The following ZNF808 variants were observed in gnomAD, a reference collection of about 807,000 sequenced individuals.
ZNF808 encodes zinc finger protein 808.
ZNF808 carries 5 observed loss-of-function variants against 8.7 expected under a neutral mutation model. That is an observed-to-expected ratio of 0.58 (90% CI 0.30 to 1.21). The LOEUF is 1.21. Among genes scored for constraint, ZNF808 ranks in the 50% most tolerant of loss-of-function variants. The probability of loss-of-function intolerance (pLI) is 0.07; values close to 1 mark genes in which losing one functional copy is unlikely to be tolerated. For missense variants in ZNF808, 1,103 were observed against 1,098.4 expected (o/e 1.00, Z -0.06); for synonymous variants, 380 against 366.0 (o/e 1.04, Z -0.44).
chr19:52,551,887 C>T (rs1289666874), intron 4 of ZNF808, among the ~76,000 whole-genome samples: 1 of 152,078 alleles, frequency 6.6e-6, no homozygotes, highest in East Asian at 1.9e-4. Context: ...CCTGTAATCC[C>T]AGGTACTCAG....
At chr19:52,565,294 A>ATATCAG (rs1405211477), downstream of ZNF808, among the ~76,000 whole-genome samples, 2 of 152,118 alleles carry the variant, frequency 1.3e-5, no homozygotes, top group Admixed American at 1.3e-4. Flanking sequence ...ATAAAAAACA[A>ATATCAG]TATCAGTGTG....
In ZNF808 at chr19:52,555,766, G is replaced by C. The variant is rs1234070699; in HGVS notation, c.*138G>C. ...ATTGTTCATACATTGCAGTTCATTGGCAACCTCATACTGGAGAGAAACCTT... is the reference window on the plus strand; with the variant it reads ...ATTGTTCATACATTGCAGTTCATTGCCAACCTCATACTGGAGAGAAACCTT... On this transcript the variant is annotated 3_prime_UTR_variant, in exon 5 of 5. Transcript: ENST00000359798. The C allele has an allele frequency of 7.9e-7, 1 of 1,268,052 alleles. No individual in the cohort carries two copies. Among genetic ancestry groups the C allele is most frequent in the East Asian group, 2.4e-5 (1 of 41,732 alleles). 78.6% of individuals were successfully genotyped at this position (1,268,052 alleles called of 1,614,324 possible).
Position 52,554,236 on chromosome 19 carries a change from A to G in ZNF808, c.1320A>G (p.Ser440=). Residue 440 remains serine, a synonymous_variant, in exon 5 of 5, where the codon TCA becomes TCG. Transcript: ENST00000359798. ...GTGACAAAGTTTTCAGTCAGAAATC[A>G]ACCCTTGAGAGACATAAGAGAATTC... ...EECDKVFSQK[S]TLERHKRIHT... The G allele has an allele frequency of 1.2e-6, 2 of 1,613,764 alleles. No homozygotes were observed. Among genetic ancestry groups the G allele is most frequent in the Non-Finnish European group, 1.7e-6 (2 of 1,179,722 alleles).
intron 2 of ZNF808, among the ~76,000 whole-genome samples, chr19:52,539,548 G>T (rs2868489): frequency 0.053 from 2,742 of 52,062 alleles, 352 homozygotes; most frequent in African/African-American, 0.13. Flanking sequence ...TGTTGTGGTG[G>T]TTTTTTTTTT....
At chr19:52,536,827 G>A (rs8104854) in intron 2 of ZNF808, among the ~76,000 whole-genome samples, 49,150 of 151,964 alleles carry the variant, frequency 0.32, 8,232 homozygotes, top group Non-Finnish European at 0.36. Context: ...AGGAGACGCA[G>A]AGATAAGAGG....
downstream of ZNF808, among the ~76,000 whole-genome samples, chr19:52,558,359 G>A (rs1262154468): frequency 6.7e-6 from 1 of 148,596 alleles, no homozygotes; most frequent in Non-Finnish European, 1.5e-5. Context: ...ACCGCGCCCG[G>A]CATCTGAACT....
Position 52,554,631 on chromosome 19 carries a change from G to T in ZNF808, c.1715G>T (p.Cys572Phe). 5 of 1,613,992 alleles carry T rather than the reference G, an allele frequency of 3.1e-6. No homozygotes were observed. The highest frequency in any genetic ancestry group is 4.2e-6 in the Non-Finnish European group (5 of 1,179,928). The change falls in exon 5 of 5, where the codon TGT becomes TTT. Residue 572 changes from cysteine to phenylalanine, a missense_variant. Transcript: ENST00000359798. ...TAKKPYKCNE[C>F]GKAFNQQSHL... is the part of the protein sequence containing the mutation. ...AAGAAACCTTACAAGTGTAATGAATGTGGGAAAGCTTTTAATCAACAATCA... is the reference window on the plus strand; with the variant it reads ...AAGAAACCTTACAAGTGTAATGAATTTGGGAAAGCTTTTAATCAACAATCA...
chr19:52,530,674 G>A (rs199743991), intron 1 of ZNF808, among the ~76,000 whole-genome samples: 25,287 of 135,548 alleles, frequency 0.19, 2,783 homozygotes, highest in Non-Finnish European at 0.24. Context: ...CAAAAAAAAA[G>A]AGAGAAAGAA....
At chr19:52,540,340 A>G in intron 2 of ZNF808, among the ~76,000 whole-genome samples, 1 of 152,236 alleles carries the variant, frequency 6.6e-6, no homozygotes, top group East Asian at 1.9e-4. Flanking sequence ...TATATTTTCA[A>G]ATATTTCTCC....
intron 1 of ZNF808, among the ~76,000 whole-genome samples, chr19:52,529,909 ATAT>A (rs1403858676): frequency 3.4e-4 from 45 of 134,226 alleles, no homozygotes; most frequent in East Asian, 2.7e-3. Context: ...ATATATATAT[ATAT>A]TTTTTTTTTT....
At chr19:52,566,600 A>G (rs542567800), downstream of ZNF808, among the ~76,000 whole-genome samples, 1 of 152,332 alleles carries the variant, frequency 6.6e-6, no homozygotes, top group South Asian at 2.1e-4. Flanking sequence ...TGCTATTACT[A>G]TGTTCTTGGG....
downstream of ZNF808, among the ~76,000 whole-genome samples, chr19:52,558,979 C>T (rs1040339378): frequency 3.3e-5 from 5 of 152,162 alleles, no homozygotes; most frequent in African/African-American, 1.2e-4. Context: ...CCCAGGGACA[C>T]AGAACACTGC....
chr19:52,562,917 G>T (rs530451859), intron 3 of ZNF808, among the ~76,000 whole-genome samples: 8 of 152,116 alleles, frequency 5.3e-5, no homozygotes, highest in African/African-American at 1.9e-4. Flanking sequence ...GGGATTACAG[G>T]TGCCTACCAC....
chr19:52,565,104 T>C (rs933433648), downstream of ZNF808, among the ~76,000 whole-genome samples: 1 of 151,404 alleles, frequency 6.6e-6, no homozygotes, highest in Non-Finnish European at 1.5e-5. Flanking sequence ...AATAAATAAA[T>C]AAATAAAAAT....
At position 52,563,268 on chromosome 19, in the gene ZNF808, T is replaced by TA. The variant is rs2059863537; in HGVS notation, c.*423-49dup. The TA allele has an allele frequency of 3.9e-5, 6 of 152,186 alleles. No individual in the cohort carries two copies. The South Asian group carries it at 1.2e-3, about 31-fold the overall frequency. 9.4% of individuals were successfully genotyped at this position (152,186 alleles called of 1,614,324 possible). A position where few individuals can be genotyped will look rare whatever the true frequency, so the allele number is the denominator to read the frequency against. On this transcript the variant is annotated intron_variant and NMD_transcript_variant, in intron 3 of 3. Transcript: ENST00000487863. The stretch of plus-strand genomic sequence containing the variant: ...GTACTTATTATTTCGTTGCTAGTCT[T>TA]ATCATGGGTTACAATATTTTATTAA...
downstream of ZNF808, among the ~76,000 whole-genome samples, chr19:52,557,074 G>A (rs1027045488): frequency 1.3e-5 from 2 of 151,922 alleles, no homozygotes; most frequent in Non-Finnish European, 2.9e-5. Flanking sequence ...GGCATCAAGT[G>A]ATTCTCCTGC....
At chr19:52,541,363 C>T (rs984703886) in intron 2 of ZNF808, among the ~76,000 whole-genome samples, 3 of 151,756 alleles carry the variant, frequency 2.0e-5, no homozygotes, top group Non-Finnish European at 2.9e-5. Flanking sequence ...GGTGAGTCAC[C>T]GCTCCTGACT....
In ZNF808 at chr19:52,554,994, A is replaced by G. The variant is rs750719789; in HGVS notation, c.2078A>G (p.Tyr693Cys). The G allele has an allele frequency of 2.5e-6, 4 of 1,614,064 alleles. No individual in the cohort carries two copies. The highest frequency in any genetic ancestry group is 1.3e-5 in the African/African-American group (1 of 75,000). ...GACAAGGCTTTCGTGTGTCGTTCCT[A>G]TGTGGCAAAACATACTAGAATTCAC... ...VCDKAFVCRS[Y>C]VAKHTRIHSG... The change falls in exon 5 of 5, where the codon TAT (tyrosine) becomes TGT (cysteine). Residue 693 changes from tyrosine (Y) to cysteine (C), a missense_variant. Tyr to Cys is a radical substitution (Grantham distance 194). Coordinates refer to ENST00000359798, the MANE Select transcript of ZNF808 (RefSeq NM_001039886.4).
chr19:52,533,699 C>G lies in ZNF808; in HGVS notation c.-20+690C>G, dbSNP rs561900262. Among the ~76,000 whole-genome samples the G allele has an allele frequency of 2.0e-5, 3 of 151,090 alleles. No individual in the cohort carries two copies. In the East Asian group the frequency reaches 6.0e-4, roughly 30 times the overall value. ...TGAAACCCTGTCTCTACTAAAAATA[C>G]GAAGAAATTAGCCGGGCATGGTGGC... is the stretch of plus-strand genomic sequence containing the variant. On this transcript the variant is annotated intron_variant, in intron 2 of 4. Transcript: ENST00000359798.
Sources: gnomAD v4.1 joint callset for allele counts (sites outside exome capture counted in the v4.1 genomes callset) on GRCh38, gnomAD v4.1.1 for gene constraint, MANE v1.5 for transcripts, NCBI Gene and HGNC (gene_info 2026-07-23, HGNC 2026-07-21) for gene names.